Variants in CARMIL1 observed in about 807,000 individuals in gnomAD.
CARMIL1 encodes F-actin-uncapping protein LRRC16A.
Under a neutral mutation model 177.1 loss-of-function variants are expected in CARMIL1, and 90 were observed. That is an observed-to-expected ratio of 0.51 (90% CI 0.43 to 0.61). The LOEUF is 0.61. CARMIL1 is among the 20% of genes least tolerant of loss of function. CARMIL1 has a pLI of 0.00. For synonymous variants in CARMIL1, 577 were observed against 606.2 expected (o/e 0.95, Z 0.71); for missense variants, 1,380 against 1,667.0 (o/e 0.83, Z 3.00).
intron 13 of CARMIL1, among the ~76,000 whole-genome samples, chr6:25,491,407 A>G (rs916618629): frequency 6.6e-6 from 1 of 152,348 alleles, no homozygotes; most frequent in Non-Finnish European, 1.5e-5. Context: ...TTTTAATCTC[A>G]GGGGTTAAAA....
At chr6:25,571,325 A>G (rs1582398966) in intron 29 of CARMIL1, among the ~76,000 whole-genome samples, 1 of 152,360 alleles carries the variant, frequency 6.6e-6, no homozygotes, top group South Asian at 2.1e-4. Flanking sequence ...GAAGTATTAG[A>G]GAACCATGCA....
chr6:25,279,677 G>T lies in CARMIL1; in HGVS notation c.-119G>T. 8 of 879,368 alleles carry T rather than the reference G, an allele frequency of 9.1e-6. No individual in the cohort carries two copies. Among genetic ancestry groups the T allele is most frequent in the South Asian group, 2.8e-5 (2 of 72,500 alleles). 54.5% of individuals were successfully genotyped at this position (879,368 alleles called of 1,614,324 possible). A position where few individuals can be genotyped will look rare whatever the true frequency, so the allele number is the denominator to read the frequency against. ...TTCTGTCTCCGCCCCCCCTTTTCTT[G>T]CCCACTTCCATTTGCAAGCTGCATC... On this transcript the variant is annotated 5_prime_UTR_variant, in exon 1 of 37. Transcript: ENST00000329474.
intron 29 of CARMIL1, among the ~76,000 whole-genome samples, chr6:25,559,806 G>A (rs1275857609): frequency 1.3e-5 from 2 of 152,134 alleles, no homozygotes; most frequent in Non-Finnish European, 2.9e-5. Context: ...AGGAAACTGG[G>A]CAGAGATTCT....
rs2272823 is a variant in CARMIL1, at chr6:25,610,210, G to A, written c.3979+29G>A. 638 of 1,594,006 alleles carry A rather than the reference G, an allele frequency of 4.0e-4. 9 individuals are homozygous for A. In the East Asian group the frequency reaches 0.014, roughly 35 times the overall value. ...AGGATTGTAAGGATTTCTTTTCTCT[G>A]GGTTAGCTCTCCCCAAGGAGGGACA... On this transcript the variant is annotated intron_variant, in intron 36 of 36. Transcript: ENST00000329474.
At position 25,452,122 on chromosome 6, in the gene CARMIL1, A is replaced by G. The variant is rs756028916; in HGVS notation, c.614+1411A>G. On this transcript the variant is annotated intron_variant, in intron 8 of 36. Transcript: ENST00000329474. The stretch of plus-strand genomic sequence containing the variant: ...CAGGGAAAAAGTATACTAGCTGGAT[A>G]TACCTCCTCTTTGCACAGCCTGGGA... 19 of 764,580 alleles carry G rather than the reference A, an allele frequency of 2.5e-5. No individual in the cohort carries two copies. In the Admixed American group the frequency reaches 3.2e-4, roughly 13 times the overall value. The allele number at this position is 764,580 out of a possible 1,614,324, so 47.4% of individuals were successfully genotyped here. A position where few individuals can be genotyped will look rare whatever the true frequency, so the allele number is the denominator to read the frequency against.
At chr6:25,359,470 G>A (rs1326245567) in intron 2 of CARMIL1, among the ~76,000 whole-genome samples, 1 of 152,200 alleles carries the variant, frequency 6.6e-6, no homozygotes, top group African/African-American at 2.4e-5. Context: ...CTGGTACAGG[G>A]CTCAAAGATA....
At chr6:25,586,723 C>T (rs1319852839) in intron 31 of CARMIL1, among the ~76,000 whole-genome samples, 3 of 152,150 alleles carry the variant, frequency 2.0e-5, no homozygotes, top group Non-Finnish European at 4.4e-5. Flanking sequence ...GAGGCCGAGG[C>T]GGGCAGATCA....
chr6:25,463,305 A>G (rs542363961), intron 8 of CARMIL1, among the ~76,000 whole-genome samples: 10 of 152,142 alleles, frequency 6.6e-5, no homozygotes, highest in African/African-American at 2.2e-4. Context: ...ATTAATCCCA[A>G]TTATATATTA....
chr6:25,495,121 G>C lies in CARMIL1; in HGVS notation c.1231G>C (p.Glu411Gln). Residue 411 changes from glutamate to glutamine, a missense_variant, in exon 16 of 37, where the codon GAA becomes CAA. Glu to Gln is a conservative substitution (Grantham distance 29). Coordinates refer to ENST00000329474, the MANE Select transcript of CARMIL1 (RefSeq NM_017640.6). ...TTGTGTTTTTTTCAGGAAAGGAAAA[G>C]AAGTACCTCCATCTTTCAAGCAATT... ...RTVFSHRKGK[E>Q]VPPSFKQFFS... 1 of 1,609,916 alleles carries C rather than the reference G, an allele frequency of 6.2e-7. No individual in the cohort carries two copies. The highest frequency in any genetic ancestry group is 8.5e-7 in the Non-Finnish European group (1 of 1,176,976).
intron 36 of CARMIL1, among the ~76,000 whole-genome samples, chr6:25,616,297 G>A (rs1183534427): frequency 6.6e-6 from 1 of 152,242 alleles, no homozygotes; most frequent in Non-Finnish European, 1.5e-5. Flanking sequence ...GCGAGGCACA[G>A]TGGTTCACAT....
intron 2 of CARMIL1, among the ~76,000 whole-genome samples, chr6:25,310,496 T>A (rs1561966538): frequency 6.6e-6 from 1 of 152,230 alleles, no homozygotes; most frequent in Non-Finnish European, 1.5e-5. Flanking sequence ...TTCCATGTGG[T>A]AAGGGTAAGT....
intron 24 of CARMIL1, among the ~76,000 whole-genome samples, chr6:25,537,653 GT>G (rs1166483642): frequency 6.6e-6 from 1 of 152,190 alleles, no homozygotes; most frequent in Non-Finnish European, 1.5e-5. Flanking sequence ...GTTGCCAAAG[GT>G]TACTTGCATG....
In CARMIL1 at chr6:25,619,578, G is replaced by T; in HGVS notation, c.4111G>T (p.Val1371Leu). The change falls in exon 37 of 37, where the codon GTG (valine) becomes TTG (leucine). Residue 1371 changes from valine to leucine, a missense_variant. Physicochemically the swap from Val to Leu is conservative, Grantham distance 32. Coordinates refer to ENST00000329474, the MANE Select transcript of CARMIL1 (RefSeq NM_017640.6). ...GEEAEKEFIF[V>L] Reference sequence around the variant, plus strand: ...AGAAGCAGAAAAAGAGTTTATTTTTGTGTAAAGGTCACCCACGCAGAAGTC... The same window carrying T: ...AGAAGCAGAAAAAGAGTTTATTTTTTTGTAAAGGTCACCCACGCAGAAGTC... 1 of 1,613,446 alleles carries T rather than the reference G, an allele frequency of 6.2e-7. No homozygotes were observed. The highest frequency in any genetic ancestry group is 2.2e-5 in the East Asian group (1 of 44,834).
intron 28 of CARMIL1, 119 bp from the exon 29 acceptor site, chr6:25,556,582 T>C: frequency 1.3e-6 from 1 of 799,274 alleles, no homozygotes; most frequent in Non-Finnish European, 1.9e-6. Flanking sequence ...GAATTGTCCT[T>C]GTCACTCGTC....
chr6:25,417,139 A>G (rs776844470), intron 2 of CARMIL1, among the ~76,000 whole-genome samples: 110 of 152,304 alleles, frequency 7.2e-4, no homozygotes, highest in Non-Finnish European at 1.3e-3. Flanking sequence ...AAACTGGAGT[A>G]GAAGGTGCTG....
intron 17 of CARMIL1, chr6:25,507,358 AT>A (rs1275622768): frequency 6.6e-6 from 1 of 152,112 alleles, no homozygotes; most frequent in Non-Finnish European, 1.5e-5. Context: ...AGTTAGAAGT[AT>A]TTTTTCTGAC....
intron 29 of CARMIL1, among the ~76,000 whole-genome samples, chr6:25,559,117 ATG>A (rs1226617288): frequency 6.6e-6 from 1 of 152,156 alleles, no homozygotes; most frequent in Non-Finnish European, 1.5e-5. Context: ...AACCTTTCAC[ATG>A]GCAGCAGCTG....
chr6:25,337,023 T>C (rs1263965745), intron 2 of CARMIL1, among the ~76,000 whole-genome samples: 1 of 152,226 alleles, frequency 6.6e-6, no homozygotes, highest in Non-Finnish European at 1.5e-5. Flanking sequence ...AAATATATTG[T>C]GTTTAAACTA....
At position 25,517,441 on chromosome 6, in the gene CARMIL1, T is replaced by A. The variant is rs138046679; in HGVS notation, c.1874+26T>A. The A allele has an allele frequency of 8.5e-4, 1,362 of 1,596,050 alleles. 15 individuals carry two copies. In the African/African-American group the frequency reaches 0.011, roughly 13 times the overall value. On this transcript the variant is annotated intron_variant, in intron 22 of 36. Coordinates refer to ENST00000329474, the MANE Select transcript of CARMIL1 (RefSeq NM_017640.6). ...GTAAGTTTGAATTAGGATTTCTTTC[T>A]AGGAAAATAAAAAAACAAAAACCAA...
Sources: gnomAD v4.1 joint callset for allele counts (sites outside exome capture counted in the v4.1 genomes callset) on GRCh38, gnomAD v4.1.1 for gene constraint, MANE v1.5 for transcripts, NCBI Gene and HGNC (gene_info 2026-07-23, HGNC 2026-07-21) for gene names.